Variants in CEP112 observed in about 807,000 individuals in gnomAD.
CEP112 encodes centrosomal protein of 112 kDa.
Under a neutral mutation model 153.0 loss-of-function variants are expected in CEP112, and 127 were observed. The observed-to-expected ratio is 0.83, with a 90% confidence interval of 0.72 to 0.96. CEP112 has a LOEUF of 0.96. Among genes scored for constraint, CEP112 ranks in the 40% least tolerant of loss-of-function variants. CEP112 has a pLI of 0.00. For missense variants in CEP112, 1,089 were observed against 1,101.2 expected (o/e 0.99, Z 0.16); for synonymous variants, 358 against 374.4 (o/e 0.96, Z 0.51).
chr17:65,803,072 G>A (rs1389559233), intron 21 of CEP112, among the ~76,000 whole-genome samples: 1 of 152,230 alleles, frequency 6.6e-6, no homozygotes, highest in East Asian at 1.9e-4. Context: ...TAACATGTGA[G>A]ATATCCAGGT....
At chr17:65,927,463 G>T in intron 19 of CEP112, 119 bp downstream of exon 19, 2 of 600,222 alleles carry the variant, frequency 3.3e-6, no homozygotes, top group Non-Finnish European at 5.7e-6. Flanking sequence ...AAATATATTG[G>T]TAACAACAGC....
chr17:65,920,550 A>G (rs2060687359), intron 19 of CEP112, among the ~76,000 whole-genome samples: 2 of 149,968 alleles, frequency 1.3e-5, no homozygotes, highest in South Asian at 4.2e-4. Flanking sequence ...TAGGATTTTT[A>G]TCACACAGAC....
At chr17:65,828,924 T>C (rs891840751) in intron 21 of CEP112, among the ~76,000 whole-genome samples, 5 of 151,918 alleles carry the variant, frequency 3.3e-5, no homozygotes, top group African/African-American at 9.7e-5. Flanking sequence ...AACTAAGGAA[T>C]AGATTACTAG....
intron 20 of CEP112, among the ~76,000 whole-genome samples, chr17:65,858,077 T>TA (rs2058184559): frequency 6.6e-6 from 1 of 152,216 alleles, no homozygotes; most frequent in African/African-American, 2.4e-5. Context: ...GGTGATTACA[T>TA]ACGTTATTTT....
chr17:65,781,860 ATAGAT>A (rs1034648359), intron 21 of CEP112, among the ~76,000 whole-genome samples: 1 of 152,206 alleles, frequency 6.6e-6, no homozygotes, highest in Non-Finnish European at 1.5e-5. Flanking sequence ...TTAACTCAAG[ATAGAT>A]TAAAGACTTA....
chr17:65,758,438 G>C (rs566391976), intron 21 of CEP112, among the ~76,000 whole-genome samples: 1 of 152,224 alleles, frequency 6.6e-6, no homozygotes, highest in South Asian at 2.1e-4. Context: ...TTACAAAAGT[G>C]TCCATGGTTG....
At chr17:65,726,662 C>T (rs2050200647) in intron 23 of CEP112, among the ~76,000 whole-genome samples, 1 of 152,030 alleles carries the variant, frequency 6.6e-6, no homozygotes, top group Non-Finnish European at 1.5e-5. Flanking sequence ...TATAAGCAAC[C>T]CTCTAAATTC....
intron 21 of CEP112, among the ~76,000 whole-genome samples, chr17:65,810,885 G>A (rs1205886000): frequency 3.3e-5 from 5 of 152,150 alleles, no homozygotes; most frequent in Non-Finnish European, 7.3e-5. Flanking sequence ...AGGAGGGAAG[G>A]TGGAACATGG....
intron 26 of CEP112, among the ~76,000 whole-genome samples, 173 bp from the exon 27 acceptor site, chr17:65,636,147 C>T (rs545637104): frequency 1.3e-5 from 2 of 152,328 alleles, no homozygotes; most frequent in African/African-American, 4.8e-5. Context: ...ACCGAGCAAA[C>T]AGAATCTTTC....
At chr17:65,811,388 G>A (rs1288709556) in intron 21 of CEP112, among the ~76,000 whole-genome samples, 1 of 152,174 alleles carries the variant, frequency 6.6e-6, no homozygotes, top group Non-Finnish European at 1.5e-5. Context: ...CTGCTAGTGT[G>A]AGGACGCTAA....
intron 17 of CEP112, 94 bp from the exon 18 acceptor site, chr17:65,961,692 G>A: frequency 1.7e-6 from 2 of 1,197,966 alleles, no homozygotes; most frequent in South Asian, 2.0e-5. Flanking sequence ...ATAAAATCCA[G>A]ATTTTAATTT....
chr17:66,063,175 T>C, intron 10 of CEP112, 94 bp from the exon 11 acceptor site: 1 of 495,648 alleles, frequency 2.0e-6, no homozygotes, highest in East Asian at 3.2e-5. Context: ...GGTAATTCAA[T>C]TTTTCACCAA....
chr17:65,971,414 C>T (rs1016379180), intron 17 of CEP112, among the ~76,000 whole-genome samples: 1 of 47,672 alleles, frequency 2.1e-5, no homozygotes, highest in African/African-American at 6.1e-5. Flanking sequence ...TGCACCCATG[C>T]AGCATGCTGC....
intron 23 of CEP112, among the ~76,000 whole-genome samples, chr17:65,715,203 G>A (rs2049436468): frequency 6.6e-6 from 1 of 152,152 alleles, no homozygotes; most frequent in Non-Finnish European, 1.5e-5. Context: ...GAAATATGCT[G>A]AGTTCTAGAG....
intron 21 of CEP112, among the ~76,000 whole-genome samples, chr17:65,839,586 C>A (rs1305127194): frequency 6.6e-6 from 1 of 151,946 alleles, no homozygotes; most frequent in East Asian, 1.9e-4. Flanking sequence ...AAATTGAGAG[C>A]CTTTTCTCTA....
intron 2 of CEP112, among the ~76,000 whole-genome samples, chr17:66,181,025 A>G (rs1200567510): frequency 1.3e-5 from 2 of 152,152 alleles, no homozygotes; most frequent in African/African-American, 2.4e-5. Context: ...TGAAACTGAT[A>G]AACTTAAGTA....
At chr17:65,898,156 G>A (rs2059720512) in intron 20 of CEP112, among the ~76,000 whole-genome samples, 1 of 151,862 alleles carries the variant, frequency 6.6e-6, no homozygotes, top group Admixed American at 6.6e-5. Context: ...ATAGTAGCTG[G>A]CATATAAAAA....
At chr17:65,652,537 G>T (rs1343962013) in intron 24 of CEP112, among the ~76,000 whole-genome samples, 1 of 151,402 alleles carries the variant, frequency 6.6e-6, no homozygotes, top group Non-Finnish European at 1.5e-5. Flanking sequence ...ATTCCATTTA[G>T]CCAATTCTCT....
intron 4 of CEP112, among the ~76,000 whole-genome samples, chr17:66,158,350 C>A (rs527411698): frequency 1.6e-4 from 24 of 152,246 alleles, no homozygotes; most frequent in African/African-American, 5.1e-4. Flanking sequence ...CAGTAGCTCA[C>A]ACCTGTAATC....
Sources: allele counts gnomAD v4.1 joint callset (sites outside exome capture counted in the v4.1 genomes callset), GRCh38; gene constraint gnomAD v4.1.1; transcripts MANE v1.5; gene names NCBI Gene and HGNC (gene_info 2026-07-23, HGNC 2026-07-21).